Variants in ZNF678 observed in about 807,000 individuals in gnomAD.
ZNF678 encodes the protein zinc finger protein 678, also known as hypothetical protein MGC42493.
In ZNF678, 5 loss-of-function variants were observed where a neutral mutation model predicts 3.0. The ratio of observed to expected loss-of-function variants is 1.69; its 90% CI spans 0.88 to 3.56. The LOEUF (loss-of-function observed/expected upper bound fraction) is 3.56. Among genes scored for constraint, ZNF678 ranks in the 30% most tolerant of loss-of-function variants. The probability of loss-of-function intolerance (pLI) is 0.00; values close to 1 mark genes in which losing one functional copy is unlikely to be tolerated. For missense variants in ZNF678, 593 were observed against 605.0 expected (o/e 0.98, Z 0.21); for synonymous variants, 218 against 199.6 (o/e 1.09, Z -0.78).
chr1:227,623,781 T>C (rs566091395), intron 1 of ZNF678, among the ~76,000 whole-genome samples: 1 of 152,364 alleles, frequency 6.6e-6, no homozygotes, highest in South Asian at 2.1e-4. Context: ...TTTTGTACTT[T>C]TTATCCAGTT....
At chr1:227,623,135 T>G (rs1658321382) in intron 1 of ZNF678, among the ~76,000 whole-genome samples, 1 of 152,244 alleles carries the variant, frequency 6.6e-6, no homozygotes, top group Non-Finnish European at 1.5e-5. Flanking sequence ...ATCTTAGTGT[T>G]TATTGTTTAC....
intron 1 of ZNF678, among the ~76,000 whole-genome samples, chr1:227,612,504 C>T (rs1029440335): frequency 6.6e-6 from 1 of 152,106 alleles, no homozygotes; most frequent in African/African-American, 2.4e-5. Flanking sequence ...TTCACCGTGT[C>T]TAGACTCACA....
intron 1 of ZNF678, among the ~76,000 whole-genome samples, chr1:227,605,170 T>A (rs1437134465): frequency 1.3e-5 from 2 of 152,216 alleles, no homozygotes; most frequent in African/African-American, 4.8e-5. Context: ...AGCACTTTTT[T>A]AAAAGGTTTT....
chr1:227,599,064 G>A (rs1657666907), intron 1 of ZNF678: 1 of 1,596,096 alleles, frequency 6.3e-7, no homozygotes, highest in South Asian at 1.1e-5. Context: ...AAATAATCCT[G>A]TATTGTTGGC....
At chr1:227,671,404 T>C (rs1659600534) in intron 5 of ZNF678, among the ~76,000 whole-genome samples, 1 of 152,148 alleles carries the variant, frequency 6.6e-6, no homozygotes, top group South Asian at 2.1e-4. Context: ...AAAACACACA[T>C]TTTCGTCAGA....
chr1:227,670,477 A>G (rs190289948), intron 5 of ZNF678, among the ~76,000 whole-genome samples: 24 of 152,334 alleles, frequency 1.6e-4, no homozygotes, highest in Non-Finnish European at 3.2e-4. Flanking sequence ...GACCTTTACC[A>G]GGGTGGGCTT....
intron 3 of ZNF678, among the ~76,000 whole-genome samples, chr1:227,651,553 G>C (rs978209355): frequency 2.0e-5 from 3 of 152,164 alleles, no homozygotes. Context: ...AGGAGTTAAT[G>C]ACAGTTACAG....
chr1:227,632,671 A>G (rs1222687707), intron 1 of ZNF678, among the ~76,000 whole-genome samples: 1 of 152,142 alleles, frequency 6.6e-6, no homozygotes, highest in African/African-American at 2.4e-5. Flanking sequence ...AGCCACGCTG[A>G]TCGTTTTTAA....
chr1:227,574,612 G>A lies in ZNF678; in HGVS notation c.-164+10888G>A, dbSNP rs76379436. 6.3e-3 allele frequency among the ~76,000 whole-genome samples: 958 copies of A among 152,186 alleles called. 10 individuals are homozygous for A. Among genetic ancestry groups the A allele is most frequent in the African/African-American group, 0.022 (911 of 41,518 alleles). On this transcript the variant is annotated intron_variant, in intron 1 of 3. Coordinates refer to ENST00000343776, the MANE Select transcript of ZNF678 (RefSeq NM_001367909.1). ...ACAGTTTTCTCCCATTCTGTAGGTT[G>A]TCTGTTCCTCTGTTGATATTTTTCT...
intron 1 of ZNF678, among the ~76,000 whole-genome samples, chr1:227,595,548 A>T (rs552147748): frequency 1.3e-5 from 2 of 152,120 alleles, no homozygotes; most frequent in South Asian, 2.1e-4. Context: ...TCCTTTTTTG[A>T]AATTTTTTAA....
At chr1:227,565,207 A>G (rs1250331747) in intron 1 of ZNF678, among the ~76,000 whole-genome samples, 6 of 152,052 alleles carry the variant, frequency 3.9e-5, no homozygotes, top group Non-Finnish European at 8.8e-5. Flanking sequence ...CTGGGACTAC[A>G]GGCGTGCGCC....
At chr1:227,621,323 A>G (rs1393392791) in intron 1 of ZNF678, among the ~76,000 whole-genome samples, 1 of 152,204 alleles carries the variant, frequency 6.6e-6, no homozygotes, top group African/African-American at 2.4e-5. Context: ...GAGCTTTCCT[A>G]TAACAATGTA....
intron 1 of ZNF678, among the ~76,000 whole-genome samples, chr1:227,595,186 C>A (rs565178253): frequency 6.8e-5 from 10 of 146,648 alleles, no homozygotes; most frequent in African/African-American, 2.0e-4. Flanking sequence ...TTGTATATAT[C>A]TCTCTCTCTT....
At chr1:227,614,793 C>G (rs1042950588) in intron 1 of ZNF678, among the ~76,000 whole-genome samples, 2 of 152,212 alleles carry the variant, frequency 1.3e-5, no homozygotes, top group African/African-American at 4.8e-5. Flanking sequence ...ATTCCACCTG[C>G]TGAAAGATAC....
chr1:227,605,824 T>A (rs1421309439), intron 1 of ZNF678, among the ~76,000 whole-genome samples: 1 of 152,204 alleles, frequency 6.6e-6, no homozygotes, highest in Non-Finnish European at 1.5e-5. Context: ...ATGAGAATAA[T>A]AAATATAGCC....
chr1:227,653,078 A>G (rs568472453), intron 3 of ZNF678, among the ~76,000 whole-genome samples: 2 of 152,230 alleles, frequency 1.3e-5, no homozygotes, highest in African/African-American at 2.4e-5. Flanking sequence ...TACCCTGATT[A>G]TATCACTCAA....
rs769581189 is a variant in ZNF678 at position 227,655,798 on chromosome 1, T to A, written c.1548T>A (p.Pro516=). Residue 516 remains proline (P), a synonymous_variant, in exon 4 of 4, where the codon CCT becomes CCA. Transcript: ENST00000343776. ...KYKRIYTGEE[P]DKCKKCGSL ...AGAGAATTTATACTGGAGAGGAACC[T>A]GACAAATGTAAAAAATGTGGCAGTC... 1.7e-5 allele frequency: 26 copies of A among 1,575,186 alleles called. No homozygotes were observed. The Admixed American group carries it at 4.9e-4, about 30-fold the overall frequency.
intron 1 of ZNF678, among the ~76,000 whole-genome samples, chr1:227,570,704 A>G (rs1003262599): frequency 2.6e-5 from 4 of 152,118 alleles, no homozygotes; most frequent in Non-Finnish European, 5.9e-5. Flanking sequence ...GGAATATAAA[A>G]GTAGGGAACT....
At chr1:227,610,740 C>T (rs972731593) in intron 1 of ZNF678, among the ~76,000 whole-genome samples, 4 of 152,272 alleles carry the variant, frequency 2.6e-5, no homozygotes, top group South Asian at 4.1e-4. Flanking sequence ...AACAAGAAAC[C>T]GGTACAGCTT....
Sources: allele counts gnomAD v4.1 joint callset (sites outside exome capture counted in the v4.1 genomes callset), GRCh38; gene constraint gnomAD v4.1.1; transcripts MANE v1.5; gene names NCBI Gene and HGNC (gene_info 2026-07-23, HGNC 2026-07-21).